FCHO1: variants seen among roughly 807,000 people sequenced by gnomAD.
The protein encoded by FCHO1 is F-BAR domain only protein 1.
FCHO1 carries 45 observed loss-of-function variants against 114.4 expected under a neutral mutation model. The ratio of observed to expected loss-of-function variants is 0.39; its 90% CI spans 0.31 to 0.50. The LOEUF (loss-of-function observed/expected upper bound fraction) is 0.50. FCHO1 is among the 20% of genes least tolerant of loss of function. FCHO1 has a pLI of 0.77. For missense variants in FCHO1, 1,042 were observed against 1,209.6 expected, an observed-to-expected ratio of 0.86 and a Z score of 2.06; for synonymous variants, 480 against 488.9, an observed-to-expected ratio of 0.98 and a Z score of 0.24.
intron 4 of FCHO1, among the ~76,000 whole-genome samples, chr19:17,761,653 T>TAC (rs1555717041): frequency 1.1e-4 from 16 of 139,724 alleles, no homozygotes; most frequent in South Asian, 2.2e-4. Flanking sequence ...TATATATATA[T>TAC]ACACACACAC....
At chr19:17,768,100 C>T (rs2090046113) in intron 7 of FCHO1, among the ~76,000 whole-genome samples, 1 of 152,126 alleles carries the variant, frequency 6.6e-6, no homozygotes, top group South Asian at 2.1e-4. Flanking sequence ...TGGAGACTTG[C>T]TCTGTTGCCC....
intron 20 of FCHO1, among the ~76,000 whole-genome samples, chr19:17,780,959 C>A (rs192849411): frequency 6.6e-6 from 1 of 152,206 alleles, no homozygotes; most frequent in Non-Finnish European, 1.5e-5. Context: ...AGCATGCCTG[C>A]GTCTTAAGCC....
chr19:17,772,552 G>A lies in FCHO1; in HGVS notation c.690G>A (p.Gly230=), dbSNP rs147764124. ...TGGAGGACACGCACGTGCAGATTGG[G>A]CAGGTGAGTTGGGCAGGTGTGAGGA... The part of the protein sequence containing the change: ...HSVEDTHVQI[G]QVHEEFKQNI... The change falls in exon 10 of 29, where the codon GGG becomes GGA. Residue 230 remains glycine, a synonymous_variant. Transcript: ENST00000596536. 238 of 1,614,032 alleles carry A rather than the reference G, an allele frequency of 1.5e-4. No individual in the cohort carries two copies. The African/African-American group carries it at 3.0e-3, about 20-fold the overall frequency.
chr19:17,784,356 T>TC lies in FCHO1; in HGVS notation c.2226+123dup. The TC allele has an allele frequency of 7.8e-7, 1 of 1,278,946 alleles. No homozygotes were observed. Among genetic ancestry groups the TC allele is most frequent in the Non-Finnish European group, 1.1e-6 (1 of 933,118 alleles). 79.2% of individuals were successfully genotyped at this position (1,278,946 alleles called of 1,614,324 possible). On this transcript the variant is annotated intron_variant, in intron 25 of 28. Coordinates refer to ENST00000596536, the MANE Select transcript of FCHO1 (RefSeq NM_015122.3). The surrounding 1 kb of genome is among the most constrained non-coding windows in gnomAD (Gnocchi z 5.3). ...GTCTCGAATTCCTGACCTCAAGAGA[T>TC]CCAATCTGTGAGAGCCGATGAGCTG...
chr19:17,772,171 C>A (rs1467688007), intron 9 of FCHO1, among the ~76,000 whole-genome samples: 2 of 125,640 alleles, frequency 1.6e-5, no homozygotes, highest in East Asian at 4.3e-4. Context: ...CACAGACATC[C>A]CCTTGTGTGT....
chr19:17,755,058 T>TC, intron 3 of FCHO1, 60 bp from the exon 4 acceptor site: 1 of 1,051,482 alleles, frequency 9.5e-7, no homozygotes, highest in Non-Finnish European at 1.5e-6. Flanking sequence ...GGAGGGACTT[T>TC]CCCCCCACCA....
At position 17,784,799 on chromosome 19, in the gene FCHO1, G is replaced by A. The variant is rs753564254; in HGVS notation, c.2301G>A (p.Gln767=). Residue 767 remains glutamine (Q), a synonymous_variant, in exon 26 of 29, where the codon CAG becomes CAA. Transcript: ENST00000596536. The surrounding 1 kb of genome is among the most constrained non-coding windows in gnomAD (Gnocchi z 5.3). The part of the protein sequence containing the change: ...AHWQCGATLT[Q]VSVEYGYRPG... ...GGCAGTGTGGAGCCACCCTCACCCA[G>A]GTCTCAGTGGAGTACGGCTACCGGC... 1.2e-6 allele frequency: 2 copies of A among 1,614,116 alleles called. No homozygotes were observed. Among genetic ancestry groups the A allele is most frequent in the South Asian group, 1.1e-5 (1 of 91,090 alleles).
chr19:17,770,953 A>G (rs1164836969), intron 9 of FCHO1, 57 bp downstream of exon 9: 6 of 1,472,004 alleles, frequency 4.1e-6, no homozygotes, highest in Middle Eastern at 1.8e-4. Context: ...CCTGGAGGTT[A>G]TGGACTGCAG....
chr19:17,751,160 G>A (rs957328124), upstream of FCHO1, among the ~76,000 whole-genome samples: 69 of 152,276 alleles, frequency 4.5e-4, no homozygotes, highest in African/African-American at 1.4e-3. This position sits in a 1 kb window ranked among gnomAD's most constrained non-coding sequence, Gnocchi z 4.4. Context: ...CTTTCTGAGC[G>A]CATTTCCCTC....
chr19:17,779,436 G>C (rs573485619), intron 20 of FCHO1, among the ~76,000 whole-genome samples: 18 of 152,000 alleles, frequency 1.2e-4, no homozygotes, highest in African/African-American at 4.1e-4. Flanking sequence ...CCAGAGACTG[G>C]GGAGGCAACC....
At position 17,775,584 on chromosome 19, in the gene FCHO1, C is replaced by T. The variant is rs1774469851; in HGVS notation, c.1003+71C>T. ...ACAAAATTCTCCGTAATAACCAGTC[C>T]ACCTTCAGCAGTCCTCTCTGTGTAC... On this transcript the variant is annotated intron_variant, in intron 15 of 28. Transcript: ENST00000596536. This position sits in a 1 kb window ranked among gnomAD's most constrained non-coding sequence, Gnocchi z 5.1. 1 of 1,367,488 alleles carries T rather than the reference C, an allele frequency of 7.3e-7. No homozygotes were observed. The highest frequency in any genetic ancestry group is 1.0e-6 in the Non-Finnish European group (1 of 956,036). The allele number at this position is 1,367,488 out of a possible 1,614,324, so 84.7% of individuals were successfully genotyped here.
intron 9 of FCHO1, among the ~76,000 whole-genome samples, chr19:17,771,124 G>A (rs1171483961): frequency 6.6e-6 from 1 of 151,958 alleles, no homozygotes; most frequent in Non-Finnish European, 1.5e-5. Context: ...GTAGTGGCAG[G>A]TGCCTGTAAT....
intron 11 of FCHO1, 77 bp downstream of exon 11, chr19:17,772,818 ATT>A (rs201578137): frequency 5.8e-6 from 6 of 1,038,170 alleles, no homozygotes; most frequent in Middle Eastern, 2.1e-4. Context: ...TGCCCAGCTA[ATT>A]TTTTTTTTAT....
chr19:17,776,130 C>G lies in FCHO1; in HGVS notation c.1151C>G (p.Ala384Gly). ...GCAGCGGCACAGCTCAGGGCCACCG[C>G]GGGCAGCCTCATCCTTCCTCCTGGC... is the stretch of plus-strand genomic sequence containing the variant. Reference protein sequence around the residue: ...EAAAAQLRATAGSLILPPGPG... With the variant: ...EAAAAQLRATGGSLILPPGPG... The change falls in exon 16 of 29, where the codon GCG becomes GGG. Residue 384 changes from alanine to glycine, a missense_variant. This residue lies in a region of FCHO1 where 450 missense variants were observed against 564.1 expected (regional missense o/e 0.80). Transcript: ENST00000596536. This position sits in a 1 kb window ranked among gnomAD's most constrained non-coding sequence, Gnocchi z 4.4. 6.2e-7 allele frequency: 1 copy of G among 1,613,422 alleles called. No individual in the cohort carries two copies. Among genetic ancestry groups the G allele is most frequent in the Non-Finnish European group, 8.5e-7 (1 of 1,179,852 alleles).
At position 17,776,783 on chromosome 19, in the gene FCHO1, T is replaced by C; in HGVS notation, c.1259+97T>C. ...GGTGTTCTCTTGTCCCGGCTGGGAGTTGACGTCATGCTGGGGTTTTTTTGT... is the reference window on the plus strand; with the variant it reads ...GGTGTTCTCTTGTCCCGGCTGGGAGCTGACGTCATGCTGGGGTTTTTTTGT... On this transcript the variant is annotated intron_variant, in intron 18 of 28. Transcript: ENST00000596536. This position sits in a 1 kb window ranked among gnomAD's most constrained non-coding sequence, Gnocchi z 4.4. 8.5e-7 allele frequency: 1 copy of C among 1,179,064 alleles called. No individual in the cohort carries two copies. The highest frequency in any genetic ancestry group is 1.5e-5 in the African/African-American group (1 of 65,006). The allele number at this position is 1,179,064 out of a possible 1,614,324, so 73.0% of individuals were successfully genotyped here.
intron 13 of FCHO1, chr19:17,774,819 A>C: frequency 1.7e-6 from 1 of 586,526 alleles, no homozygotes; most frequent in Non-Finnish European, 3.0e-6. Context: ...GCAGCCCTTC[A>C]AATGAGTTCC....
chr19:17,774,682 T>C (rs568469249), intron 13 of FCHO1: 1 of 595,530 alleles, frequency 1.7e-6, no homozygotes, highest in Admixed American at 3.0e-5. Context: ...TAGTCCAGAA[T>C]TCTTCCTTTT....
intron 18 of FCHO1, 80 bp from the exon 19 acceptor site, chr19:17,778,057 G>T: frequency 1.0e-6 from 1 of 982,986 alleles, no homozygotes; most frequent in Non-Finnish European, 1.6e-6. Flanking sequence ...AAAAGACTGG[G>T]AACAGCATGT....
chr19:17,784,647 A>G lies in FCHO1; in HGVS notation c.2227-78A>G. On this transcript the variant is annotated intron_variant, in intron 25 of 28. Coordinates refer to ENST00000596536, the MANE Select transcript of FCHO1 (RefSeq NM_015122.3). The surrounding 1 kb of genome is among the most constrained non-coding windows in gnomAD (Gnocchi z 5.3). Reference sequence around the variant, plus strand: ...GGGCGGTGCGTGCATCGCAGGGTCAAGGTGGTTGAATAGCGCATGGTGTGG... The same window carrying G: ...GGGCGGTGCGTGCATCGCAGGGTCAGGGTGGTTGAATAGCGCATGGTGTGG... 7.2e-7 allele frequency: 1 copy of G among 1,387,838 alleles called. No individual in the cohort carries two copies. The highest frequency in any genetic ancestry group is 1.0e-6 in the Non-Finnish European group (1 of 978,824). The allele number at this position is 1,387,838 out of a possible 1,614,324, so 86.0% of individuals were successfully genotyped here. A position where few individuals can be genotyped will look rare whatever the true frequency, so the allele number is the denominator to read the frequency against.
Sources: allele counts gnomAD v4.1 joint callset (sites outside exome capture counted in the v4.1 genomes callset), GRCh38; gene constraint gnomAD v4.1.1; regional missense constraint gnomAD v4.1.1; non-coding constraint Gnocchi (gnomAD v3.1); transcripts MANE v1.5; gene names NCBI Gene and HGNC (gene_info 2026-07-23, HGNC 2026-07-21).